Variants in NAV3 observed in about 807,000 individuals in gnomAD.
NAV3 encodes pore membrane and/or filament interacting like protein 1.
NAV3 carries 87 observed loss-of-function variants against 244.7 expected under a neutral mutation model. That is an observed-to-expected ratio of 0.36 (90% CI 0.30 to 0.42). The LOEUF is 0.42. Ranked by LOEUF, NAV3 falls within the 20% of genes least tolerant of loss-of-function variation. The probability of loss-of-function intolerance (pLI) is 1.00; values close to 1 mark genes in which losing one functional copy is unlikely to be tolerated. For missense variants in NAV3, 2,663 were observed against 2,893.3 expected (o/e 0.92, Z 1.83); for synonymous variants, 1,126 against 1,042.2 (o/e 1.08, Z -1.55).
intron 3 of NAV3, among the ~76,000 whole-genome samples, chr12:77,963,398 T>TA (rs1420342157): frequency 2.6e-5 from 4 of 152,148 alleles, no homozygotes; most frequent in Non-Finnish European, 1.5e-5. Context: ...CAAGATATCT[T>TA]AAAACCACTT....
chr12:77,859,271 G>A (rs1428652797), intron 1 of NAV3, among the ~76,000 whole-genome samples: 1 of 152,000 alleles, frequency 6.6e-6, no homozygotes, highest in African/African-American at 2.4e-5. Flanking sequence ...TTGGGATTCA[G>A]TTAATTCCTA....
chr12:77,814,440 A>G (rs1872444206), intron 2 of NAV3, among the ~76,000 whole-genome samples: 1 of 152,200 alleles, frequency 6.6e-6, no homozygotes, highest in Admixed American at 6.5e-5. Context: ...AAATAAATAA[A>G]GCCATGGAGA....
intron 12 of NAV3, among the ~76,000 whole-genome samples, chr12:78,088,516 A>G (rs1953754566): frequency 6.6e-6 from 1 of 152,238 alleles, no homozygotes; most frequent in Non-Finnish European, 1.5e-5. Context: ...ATTGTAAAAA[A>G]TCACAGATGC....
chr12:77,960,921 T>C (rs1891858267), intron 3 of NAV3, among the ~76,000 whole-genome samples: 1 of 146,880 alleles, frequency 6.8e-6, no homozygotes, highest in African/African-American at 2.5e-5. Context: ...TATACATGTG[T>C]TTAATATATT....
chr12:78,021,887 G>C (rs2136820112), intron 9 of NAV3, 25 bp downstream of exon 9: 2 of 1,435,760 alleles, frequency 1.4e-6, no homozygotes, highest in South Asian at 1.2e-5. Flanking sequence ...CGATGCATAG[G>C]TCAAACCTAG....
intron 5 of NAV3, among the ~76,000 whole-genome samples, chr12:77,977,716 A>ACGCG (rs1565980870): frequency 2.2e-5 from 3 of 138,586 alleles, no homozygotes; most frequent in Admixed American, 7.3e-5. Flanking sequence ...ACACGCGCAC[A>ACGCG]CACACACACA....
intron 9 of NAV3, among the ~76,000 whole-genome samples, chr12:78,045,479 G>C (rs148533335): frequency 6.6e-6 from 1 of 152,112 alleles, no homozygotes; most frequent in African/African-American, 2.4e-5. Flanking sequence ...ATTTTTAGTA[G>C]AGATGGGGTT....
At chr12:78,113,717 A>G (rs1593636223) in intron 12 of NAV3, among the ~76,000 whole-genome samples, 1 of 152,146 alleles carries the variant, frequency 6.6e-6, no homozygotes, top group Non-Finnish European at 1.5e-5. Flanking sequence ...ACTGTCTGAC[A>G]TGCCTTGGAG....
intron 12 of NAV3, among the ~76,000 whole-genome samples, chr12:78,107,621 A>G (rs980942003): frequency 3.9e-5 from 6 of 152,044 alleles, no homozygotes; most frequent in Admixed American, 1.3e-4. Flanking sequence ...AAAAAAAACT[A>G]TCAGCCTTAA....
chr12:78,132,111 C>A (rs532237477), intron 18 of NAV3, among the ~76,000 whole-genome samples: 2 of 152,052 alleles, frequency 1.3e-5, no homozygotes, highest in Non-Finnish European at 2.9e-5. Flanking sequence ...GTTAACATGG[C>A]AACTGAAGCT....
At chr12:77,818,687 T>G (rs1389341170) in intron 2 of NAV3, among the ~76,000 whole-genome samples, 1 of 152,046 alleles carries the variant, frequency 6.6e-6, no homozygotes, top group Non-Finnish European at 1.5e-5. Flanking sequence ...TGGTCTCCAT[T>G]AGAAAAGTGT....
intron 1 of NAV3, among the ~76,000 whole-genome samples, chr12:77,874,598 T>G (rs1224465086): frequency 6.6e-6 from 1 of 151,672 alleles, no homozygotes; most frequent in African/African-American, 2.4e-5. Context: ...AGTAAACAAT[T>G]TCTTGTGGTT....
At chr12:77,789,051 C>G (rs1871042004) in intron 2 of NAV3, among the ~76,000 whole-genome samples, 2 of 152,194 alleles carry the variant, frequency 1.3e-5, no homozygotes, top group South Asian at 4.1e-4. Context: ...CTTCTACGTT[C>G]CTAACATATC....
intron 1 of NAV3, among the ~76,000 whole-genome samples, chr12:77,892,698 A>G (rs982069280): frequency 6.6e-6 from 1 of 152,306 alleles, no homozygotes; most frequent in Non-Finnish European, 1.5e-5. Flanking sequence ...TACAGGCGTG[A>G]GCCACTGCGC....
intron 22 of NAV3, among the ~76,000 whole-genome samples, chr12:78,150,775 C>A (rs1375931237): frequency 4.0e-5 from 6 of 151,768 alleles, no homozygotes; most frequent in Non-Finnish European, 7.4e-5. Context: ...AAGGTTCCTG[C>A]AGTTGGCTAC....
Position 78,006,818 on chromosome 12 carries a change from A to G in NAV3, c.1280A>G (p.Asn427Ser), listed in dbSNP as rs1363730081. The stretch of plus-strand genomic sequence containing the variant: ...GAATCTGGTGAAATGGAAGGTTTTA[A>G]CAGTGGTCTGAATAGTGGTGGCTCA... ...FSESGEMEGF[N>S]SGLNSGGSTN... is the part of the protein sequence containing the mutation. Residue 427 changes from asparagine to serine, a missense_variant, in exon 8 of 40, where the codon AAC becomes AGC. Physicochemically the swap from Asn to Ser is conservative, Grantham distance 46 (BLOSUM62 1). This residue lies in a region of NAV3 where 1,521 missense variants were observed against 1,497.0 expected (regional missense o/e 1.02). Coordinates refer to ENST00000397909, the MANE Select transcript of NAV3 (RefSeq NM_001024383.2). The G allele has an allele frequency of 1.9e-6, 3 of 1,614,050 alleles. No homozygotes were observed. Among genetic ancestry groups the G allele is most frequent in the East Asian group, 2.2e-5 (1 of 44,880 alleles).
chr12:77,894,223 C>G (rs190535436), intron 1 of NAV3, among the ~76,000 whole-genome samples: 1 of 152,098 alleles, frequency 6.6e-6, no homozygotes, highest in Admixed American at 6.6e-5. Flanking sequence ...CACCACCCCC[C>G]ACCCCAGCAT....
At chr12:77,969,464 G>A (rs1002156732) in intron 5 of NAV3, among the ~76,000 whole-genome samples, 16 of 152,150 alleles carry the variant, frequency 1.1e-4, no homozygotes, top group Non-Finnish European at 2.2e-4. Flanking sequence ...CCAGCTGGAA[G>A]GGCAGGCTAG....
At chr12:77,620,711 C>T (rs113923303) in intron 2 of NAV3, among the ~76,000 whole-genome samples, 4,752 of 152,198 alleles carry the variant, frequency 0.031, 105 homozygotes, top group Non-Finnish European at 0.048. Context: ...ATCCACCCCC[C>T]TCAGCCTCCC....
Sources: gnomAD v4.1 joint callset for allele counts (sites outside exome capture counted in the v4.1 genomes callset) on GRCh38, gnomAD v4.1.1 for gene constraint, gnomAD v4.1.1 regional missense constraint, MANE v1.5 for transcripts, NCBI Gene and HGNC (gene_info 2026-07-23, HGNC 2026-07-21) for gene names.